COL4A2: variants seen among roughly 807,000 people sequenced by gnomAD.
COL4A2 encodes collagen type IV alpha 2 chain.
Under a neutral mutation model 200.2 loss-of-function variants are expected in COL4A2, and 99 were observed. That is an observed-to-expected ratio of 0.49 (90% CI 0.42 to 0.58). COL4A2 has a LOEUF of 0.58. Among genes scored for constraint, COL4A2 ranks in the 20% least tolerant of loss-of-function variants. The pLI is 0.00. For synonymous variants in COL4A2, 897 were observed against 900.6 expected, an observed-to-expected ratio of 1.00 and a Z score of 0.07; for missense variants, 1,950 against 2,314.1, an observed-to-expected ratio of 0.84 and a Z score of 3.23.
chr13:110,457,471 C>A, intron 21 of COL4A2, 36 bp downstream of exon 21: 2 of 1,248,356 alleles, frequency 1.6e-6, no homozygotes, highest in South Asian at 1.2e-5. Context: ...TGAGGACAGC[C>A]TGGCCTTTCC....
chr13:110,510,612 T>C (rs1884050979), intron 47 of COL4A2, among the ~76,000 whole-genome samples: 1 of 109,754 alleles, frequency 9.1e-6, no homozygotes, highest in Non-Finnish European at 2.1e-5. Flanking sequence ...TACACAAGCA[T>C]GCACTGTGTG....
intron 20 of COL4A2, among the ~76,000 whole-genome samples, chr13:110,454,817 A>T (rs542448349): frequency 6.6e-4 from 100 of 152,252 alleles, no homozygotes; most frequent in African/African-American, 2.2e-3. Context: ...TACTAACAGA[A>T]ACCGTTAACT....
At chr13:110,409,747 A>G (rs1177826805) in intron 4 of COL4A2, among the ~76,000 whole-genome samples, 2 of 152,210 alleles carry the variant, frequency 1.3e-5, no homozygotes, top group African/African-American at 4.8e-5. Context: ...TCTTTCCACC[A>G]GACTAAAGAA....
intron 4 of COL4A2, among the ~76,000 whole-genome samples, chr13:110,387,017 A>G (rs1311344958): frequency 6.6e-6 from 1 of 152,124 alleles, no homozygotes; most frequent in African/African-American, 2.4e-5. Context: ...AGGCGGGTGA[A>G]TTACGAGGTC....
At chr13:110,396,614 A>G (rs2139427035) in intron 4 of COL4A2, among the ~76,000 whole-genome samples, 1 of 152,308 alleles carries the variant, frequency 6.6e-6, no homozygotes, top group Middle Eastern at 3.4e-3. Flanking sequence ...ATCATGAGAC[A>G]TCTCACCACG....
chr13:110,413,057 G>A (rs1282841224), intron 4 of COL4A2, among the ~76,000 whole-genome samples: 2 of 152,164 alleles, frequency 1.3e-5, no homozygotes, highest in Non-Finnish European at 2.9e-5. Context: ...GAAGGTGACT[G>A]AAGGAATTGA....
At chr13:110,444,023 T>G (rs1407265900) in intron 16 of COL4A2, among the ~76,000 whole-genome samples, 1 of 152,178 alleles carries the variant, frequency 6.6e-6, no homozygotes, top group Non-Finnish European at 1.5e-5. Flanking sequence ...CCCGAGTCAG[T>G]TGACCTGTTG....
intron 27 of COL4A2, 68 bp from the exon 28 acceptor site, chr13:110,469,149 C>G: frequency 6.6e-7 from 1 of 1,526,434 alleles, no homozygotes; most frequent in Non-Finnish European, 8.9e-7. Context: ...AAGTCAGATG[C>G]CAAGCATGAC....
chr13:110,327,173 C>A (rs1885439311), intron 3 of COL4A2, among the ~76,000 whole-genome samples: 1 of 152,196 alleles, frequency 6.6e-6, no homozygotes, highest in Non-Finnish European at 1.5e-5. Flanking sequence ...CTGTCCCCAG[C>A]ACACACACTC....
chr13:110,405,702 A>G (rs565246205), intron 4 of COL4A2, among the ~76,000 whole-genome samples: 5 of 152,300 alleles, frequency 3.3e-5, no homozygotes, highest in Non-Finnish European at 5.9e-5. Context: ...ACATTGAGCA[A>G]TTTATATACT....
chr13:110,461,452 G>C (rs1294864541), intron 22 of COL4A2, among the ~76,000 whole-genome samples: 2 of 152,248 alleles, frequency 1.3e-5, no homozygotes. Context: ...ACTGAAGATG[G>C]GCCTAGGACC....
At chr13:110,313,428 C>A (rs867067690) in intron 3 of COL4A2, among the ~76,000 whole-genome samples, 1 of 152,160 alleles carries the variant, frequency 6.6e-6, no homozygotes, top group African/African-American at 2.4e-5. Flanking sequence ...TTTCAAAGGA[C>A]GTGCGAGCAG....
In COL4A2 at chr13:110,458,624, A is replaced by G. The variant is rs147443598; in HGVS notation, c.1433-147A>G. On this transcript the variant is annotated intron_variant, in intron 21 of 47. Transcript: ENST00000360467. Reference sequence around the variant, plus strand: ...CTGAGCCTCAGTTTTCCCATCTAAGAAATGGGGGTCATAGTGCCCATCAGA... The same window carrying G: ...CTGAGCCTCAGTTTTCCCATCTAAGGAATGGGGGTCATAGTGCCCATCAGA... 6.0e-4 allele frequency: 545 copies of G among 904,480 alleles called. 2 individuals carry two copies. In the African/African-American group the frequency reaches 8.6e-3, roughly 14 times the overall value. 56.0% of individuals were successfully genotyped at this position (904,480 alleles called of 1,614,324 possible). A position where few individuals can be genotyped will look rare whatever the true frequency, so the allele number is the denominator to read the frequency against.
intron 4 of COL4A2, among the ~76,000 whole-genome samples, chr13:110,397,238 C>T (rs535018439): frequency 1.3e-5 from 2 of 152,340 alleles, no homozygotes; most frequent in African/African-American, 4.8e-5. Context: ...TCAGAACAGT[C>T]TTGGACTTCT....
intron 4 of COL4A2, among the ~76,000 whole-genome samples, chr13:110,416,192 T>G (rs1223085204): frequency 1.3e-5 from 2 of 152,250 alleles, no homozygotes; most frequent in East Asian, 3.8e-4. Flanking sequence ...GCTCTGAGCA[T>G]TGACACATTG....
chr13:110,402,488 G>T (rs376605240), intron 4 of COL4A2, among the ~76,000 whole-genome samples: 1 of 152,244 alleles, frequency 6.6e-6, no homozygotes, highest in East Asian at 1.9e-4. Flanking sequence ...TGAGTCTCGG[G>T]GCAGCCCCGC....
chr13:110,451,240 G>T (rs979173641), intron 20 of COL4A2, among the ~76,000 whole-genome samples: 1 of 152,220 alleles, frequency 6.6e-6, no homozygotes, highest in Admixed American at 6.5e-5. Context: ...TTCAGCTTCA[G>T]CATTCAGAGA....
chr13:110,503,034 G>T, intron 41 of COL4A2, 87 bp from the exon 42 acceptor site: 6 of 1,252,952 alleles, frequency 4.8e-6, no homozygotes, highest in Non-Finnish European at 6.8e-6. Context: ...AGAGACTGTC[G>T]CCTGAATGGG....
chr13:110,317,962 C>T (rs894660157), intron 3 of COL4A2, among the ~76,000 whole-genome samples: 2 of 152,302 alleles, frequency 1.3e-5, no homozygotes, highest in African/African-American at 2.4e-5. Context: ...AGCTTCCTTA[C>T]GCTGGGTCTT....
Sources: allele counts gnomAD v4.1 joint callset (sites outside exome capture counted in the v4.1 genomes callset), GRCh38; gene constraint gnomAD v4.1.1; transcripts MANE v1.5; gene names NCBI Gene and HGNC (gene_info 2026-07-23, HGNC 2026-07-21).